The following MKNK2 variants were observed in gnomAD, a reference collection of about 807,000 sequenced individuals.
MKNK2 encodes MAPK interacting serine/threonine kinase 2.
MKNK2 carries 54 observed loss-of-function variants against 55.0 expected under a neutral mutation model. The observed-to-expected ratio is 0.98, with a 90% CI of 0.79 to 1.23. The LOEUF (loss-of-function observed/expected upper bound fraction) is 1.23, where lower values mean the gene tolerates loss of function less well. Ranked by LOEUF, MKNK2 falls within the 50% of genes most tolerant of loss-of-function variation. The probability of loss-of-function intolerance (pLI) is 0.00; values close to 1 mark genes in which losing one functional copy is unlikely to be tolerated. For synonymous variants in MKNK2, 323 were observed against 256.0 expected, an observed-to-expected ratio of 1.26 and a Z score of -2.50; for missense variants, 685 against 632.1, an observed-to-expected ratio of 1.08 and a Z score of -0.90.
chr19:2,049,366 T>TG, intron 2 of MKNK2, among the ~76,000 whole-genome samples: 1 of 152,134 alleles, frequency 6.6e-6, no homozygotes, highest in Admixed American at 6.5e-5. Flanking sequence ...CCGTGCATGG[T>TG]GGGGGCTGTG....
At chr19:2,042,931 A>G (rs1432277577) in intron 7 of MKNK2, 61 bp from the exon 8 acceptor site, 1 of 1,497,698 alleles carries the variant, frequency 6.7e-7, no homozygotes, top group East Asian at 2.4e-5. Flanking sequence ...AAGTCCCCTC[A>G]AGGCCAGCAC....
At position 2,037,903 on chromosome 19, in the gene MKNK2, G is replaced by A; in HGVS notation, c.*1710C>T. 1.4e-6 allele frequency: 2 copies of A among 1,446,846 alleles called. No individual in the cohort carries two copies. Among genetic ancestry groups the A allele is most frequent in the South Asian group, 1.4e-5 (1 of 70,550 alleles). The allele number at this position is 1,446,846 out of a possible 1,614,324, so 89.6% of individuals were successfully genotyped here. ...AGCTTTAGAGACCCGATGGCTATGG[G>A]CGCCTGCAGCGGGCGGGGGTCCATT... On this transcript the variant is annotated 3_prime_UTR_variant, in exon 14 of 14. Transcript: ENST00000250896.
chr19:2,049,790 G>A (rs567721898), intron 2 of MKNK2, among the ~76,000 whole-genome samples: 1 of 152,166 alleles, frequency 6.6e-6, no homozygotes, highest in Non-Finnish European at 1.5e-5. Context: ...ACTGGGCAGG[G>A]GTGGCAGGGG....
In MKNK2 at chr19:2,046,629, A is replaced by C. The variant is rs755246430; in HGVS notation, c.114T>G (p.Phe38Leu). The C allele has an allele frequency of 1.9e-6, 3 of 1,568,650 alleles. No homozygotes were observed. Among genetic ancestry groups the C allele is most frequent in the Non-Finnish European group, 2.6e-6 (3 of 1,158,062 alleles). ...CAGGGCGGGCTGAGCACTGCAGGCC[A>C]AAGTCAGAGTCTCCGTGGTCGGGCT... ...LDQPDHGDSD[F>L]GLQCSARPDM... is the part of the protein sequence containing the mutation. Residue 38 changes from phenylalanine to leucine, a missense_variant, in exon 3 of 14, where the codon TTT (phenylalanine) becomes TTG (leucine). Transcript: ENST00000250896.
At position 2,042,046 on chromosome 19, in the gene MKNK2, G is replaced by A. The variant is rs771747685; in HGVS notation, c.751-12C>T. The A allele has an allele frequency of 3.4e-5, 50 of 1,471,264 alleles. No homozygotes were observed. The highest frequency in any genetic ancestry group is 4.0e-4 in the Middle Eastern group (2 of 4,964). 91.1% of individuals were successfully genotyped at this position (1,471,264 alleles called of 1,614,324 possible). Reference sequence around the variant, plus strand: ...TCCGCCGAGCCGCACTGCGGGCGGGGGAGGGGCGCGTCAGCCGGGGTTTCC... The same window carrying A: ...TCCGCCGAGCCGCACTGCGGGCGGGAGAGGGGCGCGTCAGCCGGGGTTTCC... On this transcript the variant is annotated splice_polypyrimidine_tract_variant and intron_variant, in intron 10 of 13. Transcript: ENST00000250896.
At chr19:2,047,033 C>T (rs2017016003) in intron 2 of MKNK2, among the ~76,000 whole-genome samples, 2 of 152,332 alleles carry the variant, frequency 1.3e-5, no homozygotes, top group South Asian at 4.1e-4. Context: ...CCCCTGGCCT[C>T]AAGCGATCCT....
At chr19:2,043,428 G>T in intron 6 of MKNK2, 75 bp downstream of exon 6, 1 of 1,379,430 alleles carries the variant, frequency 7.2e-7, no homozygotes, top group Non-Finnish European at 1.0e-6. Context: ...CTTGCTGGGG[G>T]TGATGTGGCA....
chr19:2,039,562 T>C lies in MKNK2; in HGVS notation c.*51A>G, dbSNP rs2016827750. The C allele has an allele frequency of 4.5e-6, 7 of 1,558,616 alleles. No homozygotes were observed. The highest frequency in any genetic ancestry group is 1.4e-5 in the African/African-American group (1 of 74,034). ...GGCTGGCGATAGCTTAAAAAACCTT[T>C]AGATTTGATTGGGGGACGGGTGACC... On this transcript the variant is annotated 3_prime_UTR_variant, in exon 14 of 14. Transcript: ENST00000250896.
In MKNK2 at chr19:2,046,173, G is replaced by T. The variant is rs375977759; in HGVS notation, c.339+13C>A. ...CAAGGCGCTGGGTTCCCCAGGGCGC[G>T]GCGCGGGCCCACCTTGACGGCGTAC... On this transcript the variant is annotated intron_variant, in intron 5 of 13. Coordinates refer to ENST00000250896, the MANE Select transcript of MKNK2 (RefSeq NM_199054.3). 16 of 1,607,118 alleles carry T rather than the reference G, an allele frequency of 1.0e-5. No individual in the cohort carries two copies. The highest frequency in any genetic ancestry group is 1.4e-5 in the Non-Finnish European group (16 of 1,179,522).
rs1295598263 is a variant in MKNK2 at position 2,050,894 on chromosome 19, C to T, written c.-43G>A. The stretch of plus-strand genomic sequence containing the variant: ...CCAGCGGGGGAGGGGACCGAGGGCC[C>T]GGGGGGAGGCCCGAGGGCGGGCGGC... On this transcript the variant is annotated 5_prime_UTR_variant, in exon 2 of 14. Coordinates refer to ENST00000250896, the MANE Select transcript of MKNK2 (RefSeq NM_199054.3). 2.7e-6 allele frequency: 4 copies of T among 1,467,102 alleles called. No homozygotes were observed. Among genetic ancestry groups the T allele is most frequent in the Non-Finnish European group, 2.7e-6 (3 of 1,099,340 alleles). 90.9% of individuals were successfully genotyped at this position (1,467,102 alleles called of 1,614,324 possible).
At position 2,050,800 on chromosome 19, in the gene MKNK2, C is replaced by G; in HGVS notation, c.51+1G>C. 6.5e-7 allele frequency: 1 copy of G among 1,537,606 alleles called. No individual in the cohort carries two copies. The highest frequency in any genetic ancestry group is 8.8e-7 in the Non-Finnish European group (1 of 1,141,952). On this transcript the variant is annotated splice_donor_variant, in intron 2 of 13. Transcript: ENST00000250896. LOFTEE classifies it high-confidence loss of function. ...GCCCCCAAACCGACCCCGGGCCTCA[C>G]CTTGAACGAACGGTGGAAACCCTGA...
intron 5 of MKNK2, among the ~76,000 whole-genome samples, chr19:2,044,835 T>G (rs1460974931): frequency 1.3e-5 from 2 of 152,190 alleles, no homozygotes; most frequent in African/African-American, 4.8e-5. Flanking sequence ...GCTAGAATGC[T>G]GCTTCAGGGA....
In MKNK2 at chr19:2,041,120, G is replaced by A. The variant is rs750135560; in HGVS notation, c.1030C>T (p.Leu344Phe). 2 of 1,613,964 alleles carry A rather than the reference G, an allele frequency of 1.2e-6. No individual in the cohort carries two copies. The highest frequency in any genetic ancestry group is 1.3e-5 in the African/African-American group (1 of 74,916). Residue 344 changes from leucine (L) to phenylalanine (F), a missense_variant, in exon 12 of 14, where the codon CTC becomes TTC. Physicochemically the swap from Leu to Phe is conservative, Grantham distance 22. Transcript: ENST00000250896. ...WAHISCAAKDLISKLLVRDAK... is the reference protein window; with the variant it reads ...WAHISCAAKDFISKLLVRDAK... ...TCACGGACCAGCAGCTTGGAGATGA[G>A]GTCTTTGGCAGCGCAGGAGATGTGG...
chr19:2,048,217 G>A (rs1209641202), intron 2 of MKNK2, among the ~76,000 whole-genome samples: 1 of 152,126 alleles, frequency 6.6e-6, no homozygotes, highest in Non-Finnish European at 1.5e-5. Flanking sequence ...CTGTTGCACT[G>A]GGCAGGCTGG....
Position 2,042,848 on chromosome 19 carries a change from G to C in MKNK2, c.516C>G (p.His172Gln). The change falls in exon 8 of 14, where the codon CAC (histidine) becomes CAG (glutamine). Residue 172 changes from histidine to glutamine, a missense_variant. Physicochemically the swap from His to Gln is conservative, Grantham distance 24 (BLOSUM62 0). Transcript: ENST00000250896. ...MRGGSILSHIHKRRHFNELEA... is the reference protein window; with the variant it reads ...MRGGSILSHIQKRRHFNELEA... The stretch of plus-strand genomic sequence containing the variant: ...CCAGCTCGTTGAAGTGCCGGCGCTT[G>C]TGGATGTGGCTCAGGATGGAGCCTG... 6.4e-7 allele frequency: 1 copy of C among 1,572,478 alleles called. No individual in the cohort carries two copies. The highest frequency in any genetic ancestry group is 8.6e-7 in the Non-Finnish European group (1 of 1,159,246).
At chr19:2,046,340 C>T in intron 4 of MKNK2, 27 bp downstream of exon 4, 2 of 1,604,522 alleles carry the variant, frequency 1.2e-6, no homozygotes, top group Non-Finnish European at 1.7e-6. Flanking sequence ...GCTCCCGGCT[C>T]CCCCAATGCC....
At chr19:2,040,925 G>A (rs758836758) in intron 12 of MKNK2, 115 bp downstream of exon 12, 2 of 1,019,492 alleles carry the variant, frequency 2.0e-6, no homozygotes, top group Admixed American at 2.0e-5. Flanking sequence ...GTGCTCTCAA[G>A]CCTCAGTGCA....
Position 2,041,224 on chromosome 19 carries a change from G to A in MKNK2, c.946-20C>T, listed in dbSNP as rs779161466. ...CATGTTCTGGGGACATAGAACACAG[G>A]GGAGCTTAGACCTGCCCAAGGGCCT... On this transcript the variant is annotated intron_variant, in intron 11 of 13. Transcript: ENST00000250896. 1.2e-5 allele frequency: 19 copies of A among 1,603,178 alleles called. No individual in the cohort carries two copies. The highest frequency in any genetic ancestry group is 1.0e-4 in the Admixed American group (6 of 59,526).
At chr19:2,040,505 T>TGGGTCA (rs1330427199) in intron 12 of MKNK2, 3 of 373,410 alleles carry the variant, frequency 8.0e-6, no homozygotes, top group Non-Finnish European at 1.5e-5. Flanking sequence ...TCTTAACCCA[T>TGGGTCA]GGGTCTCTGG....
Sources: allele counts gnomAD v4.1 joint callset (sites outside exome capture counted in the v4.1 genomes callset), GRCh38; gene constraint gnomAD v4.1.1; transcripts MANE v1.5; gene names NCBI Gene and HGNC (gene_info 2026-07-23, HGNC 2026-07-21).